The following DGKG variants were observed in gnomAD, a reference collection of about 807,000 sequenced individuals.
The protein encoded by DGKG is diacylglycerol kinase gamma.
In DGKG, 78 loss-of-function variants were observed where a neutral mutation model predicts 105.3. That is an observed-to-expected ratio of 0.74 (90% CI 0.62 to 0.89). DGKG has a LOEUF of 0.89. DGKG is among the 40% of genes least tolerant of loss of function. The pLI is 0.00. For missense variants in DGKG, 958 were observed against 1,020.1 expected (o/e 0.94, Z 0.83); for synonymous variants, 346 against 367.1 (o/e 0.94, Z 0.66).
At chr3:186,235,011 C>T (rs1443959477) in intron 20 of DGKG, among the ~76,000 whole-genome samples, 2 of 152,162 alleles carry the variant, frequency 1.3e-5, no homozygotes, top group Admixed American at 6.5e-5. Flanking sequence ...CCCTGGACTT[C>T]TGCATTTGTG....
In DGKG at chr3:186,211,794, C is replaced by A; in HGVS notation, c.1917+1G>T. On this transcript the variant is annotated splice_donor_variant, in intron 21 of 24. Transcript: ENST00000265022. LOFTEE classifies it high-confidence loss of function. ...AGCCTTCTCCCCACTTGGGAACTTACCTCCAACTCAATGTGGTCGTGGAGT... is the reference window on the plus strand; with the variant it reads ...AGCCTTCTCCCCACTTGGGAACTTAACTCCAACTCAATGTGGTCGTGGAGT... The A allele has an allele frequency of 6.2e-7, 1 of 1,613,576 alleles. No homozygotes were observed. The highest frequency in any genetic ancestry group is 8.5e-7 in the Non-Finnish European group (1 of 1,179,442).
intron 13 of DGKG, among the ~76,000 whole-genome samples, chr3:186,266,688 C>G (rs1214968489): frequency 1.3e-5 from 2 of 152,158 alleles, no homozygotes; most frequent in Non-Finnish European, 2.9e-5. Flanking sequence ...ACCTCCACCT[C>G]CCAGGTTCAA....
chr3:186,240,436 CTGAA>C (rs1720627497), intron 20 of DGKG, among the ~76,000 whole-genome samples: 1 of 152,274 alleles, frequency 6.6e-6, no homozygotes, highest in Non-Finnish European at 1.5e-5. Flanking sequence ...AAAAGATCTG[CTGAA>C]TGAATGGATG....
intron 11 of DGKG, among the ~76,000 whole-genome samples, chr3:186,269,632 G>A (rs2108582996): frequency 1.3e-5 from 2 of 152,280 alleles, no homozygotes; most frequent in Middle Eastern, 6.8e-3. Flanking sequence ...TGAGGGTGGG[G>A]CACATGATTA....
chr3:186,330,543 G>A (rs1047734301), intron 1 of DGKG, among the ~76,000 whole-genome samples: 3 of 152,152 alleles, frequency 2.0e-5, no homozygotes, highest in Admixed American at 6.5e-5. Flanking sequence ...GTTCCTAAGG[G>A]CACTGAACTG....
At chr3:186,218,466 T>TG (rs1393595135) in intron 20 of DGKG, among the ~76,000 whole-genome samples, 1 of 127,022 alleles carries the variant, frequency 7.9e-6, no homozygotes, top group Non-Finnish European at 1.6e-5. Flanking sequence ...ATCGCGCCAC[T>TG]GCACTCCAGC....
At chr3:186,335,691 T>C (rs77169290) in intron 1 of DGKG, among the ~76,000 whole-genome samples, 2,158 of 152,320 alleles carry the variant, frequency 0.014, 51 homozygotes, top group African/African-American at 0.049. Context: ...AAGGTAACGC[T>C]ATATGCCAAT....
chr3:186,294,209 A>C (rs572554627), intron 5 of DGKG, among the ~76,000 whole-genome samples: 2 of 152,338 alleles, frequency 1.3e-5, no homozygotes, highest in South Asian at 4.1e-4. Flanking sequence ...CTTTTCTCAA[A>C]TATCACATAA....
intron 21 of DGKG, among the ~76,000 whole-genome samples, chr3:186,195,180 C>G (rs1050583855): frequency 6.6e-6 from 1 of 151,976 alleles, no homozygotes; most frequent in African/African-American, 2.4e-5. Context: ...CCCCAAAACC[C>G]AGTCTGGGTA....
At chr3:186,277,833 A>G (rs976170532) in intron 9 of DGKG, among the ~76,000 whole-genome samples, 9 of 152,056 alleles carry the variant, frequency 5.9e-5, no homozygotes, top group Admixed American at 6.6e-5. Flanking sequence ...TTTTGCAAAT[A>G]TCTCATTCAG....
intron 21 of DGKG, among the ~76,000 whole-genome samples, chr3:186,204,143 T>C (rs1718608054): frequency 6.6e-6 from 1 of 152,220 alleles, no homozygotes; most frequent in Non-Finnish European, 1.5e-5. Context: ...GTGTGGTGGC[T>C]GATGCCTGTA....
At chr3:186,209,949 G>A (rs990017018) in intron 21 of DGKG, among the ~76,000 whole-genome samples, 3 of 152,160 alleles carry the variant, frequency 2.0e-5, no homozygotes, top group African/African-American at 7.2e-5. Context: ...GGAGAGATAA[G>A]GAAAACAGGA....
chr3:186,266,638 C>T (rs1722068609), intron 13 of DGKG, among the ~76,000 whole-genome samples: 1 of 152,144 alleles, frequency 6.6e-6, no homozygotes, highest in Non-Finnish European at 1.5e-5. Context: ...CACTCTGTCA[C>T]CCAGGCTGGA....
intron 13 of DGKG, among the ~76,000 whole-genome samples, chr3:186,267,432 TG>T (rs1263849038): frequency 6.6e-6 from 1 of 152,044 alleles, no homozygotes; most frequent in African/African-American, 2.4e-5. Flanking sequence ...GATTAACAAC[TG>T]GGCACTGGGC....
chr3:186,299,756 TTTC>T (rs1225866879), intron 3 of DGKG, among the ~76,000 whole-genome samples: 2 of 151,096 alleles, frequency 1.3e-5, no homozygotes, highest in South Asian at 4.2e-4. Context: ...CTTTTCTTTT[TTTC>T]TTCTTTTCTC....
At chr3:186,252,041 C>A (rs1721251982) in intron 18 of DGKG, 122 bp from the exon 19 acceptor site, 4 of 927,012 alleles carry the variant, frequency 4.3e-6, no homozygotes, top group Non-Finnish European at 4.7e-6. Flanking sequence ...CCCACTGTGT[C>A]TGTGGGCTAG....
chr3:186,241,143 G>A (rs562749699), intron 20 of DGKG, among the ~76,000 whole-genome samples: 1 of 152,272 alleles, frequency 6.6e-6, no homozygotes, highest in Non-Finnish European at 1.5e-5. Context: ...CCTCTAAAAA[G>A]ACCTCCTTCT....
chr3:186,355,165 C>CAAT (rs1476992579), intron 1 of DGKG, among the ~76,000 whole-genome samples: 2,463 of 33,552 alleles, frequency 0.073, 104 homozygotes, highest in African/African-American at 0.24. Flanking sequence ...TCACCACCAT[C>CAAT]ACCCCCACAA....
chr3:186,212,088 T>C (rs761376942), intron 20 of DGKG, among the ~76,000 whole-genome samples: 2 of 152,202 alleles, frequency 1.3e-5, no homozygotes, highest in African/African-American at 2.4e-5. Context: ...TCCACTTATT[T>C]CTTAGACATC....
Sources: allele counts gnomAD v4.1 joint callset (sites outside exome capture counted in the v4.1 genomes callset), GRCh38; gene constraint gnomAD v4.1.1; transcripts MANE v1.5; gene names NCBI Gene and HGNC (gene_info 2026-07-23, HGNC 2026-07-21).